Variants in PRKCSH observed in about 807,000 individuals in gnomAD.
The protein encoded by PRKCSH is PRKCSH beta subunit of glucosidase II, also known as glucosidase 2 subunit beta.
In PRKCSH, 42 loss-of-function variants were observed where a neutral mutation model predicts 79.7. That is an observed-to-expected ratio of 0.53 (90% CI 0.41 to 0.68). PRKCSH has a LOEUF of 0.68. PRKCSH is among the 30% of genes least tolerant of loss of function. The pLI is 0.00. For missense variants in PRKCSH, 686 were observed against 709.0 expected (o/e 0.97, Z 0.37); for synonymous variants, 325 against 288.2 (o/e 1.13, Z -1.29).
Position 11,449,060 on chromosome 19 carries a change from C to T in PRKCSH, c.1362-16C>T. On this transcript the variant is annotated splice_polypyrimidine_tract_variant and intron_variant, in intron 15 of 17. Transcript: ENST00000677123. The surrounding 1 kb of genome is among the most constrained non-coding windows in gnomAD (Gnocchi z 6.4). ...CCGACACCGGCCCAGCCCTCAGCAC[C>T]CTGTGTCTCTCACAGCACCTGGGGC... The T allele has an allele frequency of 3.1e-6, 5 of 1,613,336 alleles. No homozygotes were observed. The highest frequency in any genetic ancestry group is 4.2e-6 in the Non-Finnish European group (5 of 1,179,990).
chr19:11,438,150 A>T, intron 5 of PRKCSH, 26 bp downstream of exon 5: 1 of 1,612,506 alleles, frequency 6.2e-7, no homozygotes, highest in Non-Finnish European at 8.5e-7. Flanking sequence ...TACCCCTCCC[A>T]TCACCCCACC....
Position 11,449,900 on chromosome 19 carries a change from A to G in PRKCSH, c.*16+472A>G, listed in dbSNP as rs924938160. Reference sequence around the variant, plus strand: ...TTGCCGAGGCTGGAATGTGGAATGCAATGGCGCGATCTCGGCTCACTGCAA... The same window carrying G: ...TTGCCGAGGCTGGAATGTGGAATGCGATGGCGCGATCTCGGCTCACTGCAA... On this transcript the variant is annotated intron_variant, in intron 17 of 17. Transcript: ENST00000677123. The surrounding 1 kb of genome is among the most constrained non-coding windows in gnomAD (Gnocchi z 6.4). 1 of 204,572 alleles carries G rather than the reference A, an allele frequency of 4.9e-6. No homozygotes were observed. Among genetic ancestry groups the G allele is most frequent in the Non-Finnish European group, 1.0e-5 (1 of 99,612 alleles). 12.7% of individuals were successfully genotyped at this position (204,572 alleles called of 1,614,324 possible).
intron 8 of PRKCSH, 71 bp downstream of exon 8, chr19:11,445,544 C>G (rs1970256603): frequency 2.7e-6 from 4 of 1,476,628 alleles, no homozygotes; most frequent in Middle Eastern, 1.7e-4. Flanking sequence ...ACCCTCGCCT[C>G]TAGAAACCAG....
At chr19:11,439,944 G>GTGTGT (rs1969978272) in intron 5 of PRKCSH, among the ~76,000 whole-genome samples, 1 of 151,652 alleles carries the variant, frequency 6.6e-6, no homozygotes, top group Admixed American at 6.6e-5. Context: ...AATTAGCCGG[G>GTGTGT]TGTGTTGGTG....
In PRKCSH at chr19:11,445,719, G is replaced by T. The variant is rs1002548114; in HGVS notation, c.683+246G>T. On this transcript the variant is annotated intron_variant, in intron 8 of 17. Transcript: ENST00000677123. ...GGGCACAGACCCTCAGCCTCAGGGA[G>T]TGTGTCTAGGCATCTAGTGATCGGA... The T allele has an allele frequency of 1.2e-5, 7 of 582,826 alleles. No individual in the cohort carries two copies. The East Asian group carries it at 1.5e-4, about 12-fold the overall frequency. The allele number at this position is 582,826 out of a possible 1,614,324, so 36.1% of individuals were successfully genotyped here.
chr19:11,443,082 C>G (rs989535491), intron 7 of PRKCSH, among the ~76,000 whole-genome samples: 1 of 152,104 alleles, frequency 6.6e-6, no homozygotes, highest in African/African-American at 2.4e-5. Context: ...ACCATTTTTC[C>G]TATCAGGTGT....
In PRKCSH at chr19:11,435,671, G is replaced by C; in HGVS notation, c.-113G>C. On this transcript the variant is annotated 5_prime_UTR_variant, in exon 1 of 18. Coordinates refer to ENST00000677123, the MANE Select transcript of PRKCSH (RefSeq NM_001289104.2). ...AGGAACCGCGGCTGCTGGACAAGAG[G>C]GGTGCGGTGGATACTGACCTTTGCT... 1 of 1,300,968 alleles carries C rather than the reference G, an allele frequency of 7.7e-7. No individual in the cohort carries two copies. Among genetic ancestry groups the C allele is most frequent in the Non-Finnish European group, 1.0e-6 (1 of 996,804 alleles). The allele number at this position is 1,300,968 out of a possible 1,614,324, so 80.6% of individuals were successfully genotyped here.
intron 8 of PRKCSH, among the ~76,000 whole-genome samples, chr19:11,446,066 C>T (rs1970281989): frequency 6.6e-6 from 1 of 151,928 alleles, no homozygotes; most frequent in Non-Finnish European, 1.5e-5. Context: ...AGGTATCTCC[C>T]AGTCCCACCC....
In PRKCSH at chr19:11,436,202, T is replaced by G. The variant is rs113737581; in HGVS notation, c.79+6T>G. On this transcript the variant is annotated splice_donor_region_variant and intron_variant, in intron 2 of 17. Coordinates refer to ENST00000677123, the MANE Select transcript of PRKCSH (RefSeq NM_001289104.2). Reference sequence around the variant, plus strand: ...CCGGGGCGTCTCCCTCACCAGTGAGTCCTCCTGTTCACCCTCCCGCCAGGC... The same window carrying G: ...CCGGGGCGTCTCCCTCACCAGTGAGGCCTCCTGTTCACCCTCCCGCCAGGC... 2 of 1,474,334 alleles carry G rather than the reference T, an allele frequency of 1.4e-6. No homozygotes were observed. Among genetic ancestry groups the G allele is most frequent in the African/African-American group, 2.7e-5 (2 of 73,234 alleles). The allele number at this position is 1,474,334 out of a possible 1,614,324, so 91.3% of individuals were successfully genotyped here. A position where few individuals can be genotyped will look rare whatever the true frequency, so the allele number is the denominator to read the frequency against.
chr19:11,448,318 C>T lies in PRKCSH; in HGVS notation c.1196+27C>T, dbSNP rs980882693. ...TAGCGGGGGCTGAGGAGCGGGGACA[C>T]CTGTCCCACAGCGACTGCTCCTTGA... On this transcript the variant is annotated intron_variant, in intron 13 of 17. Transcript: ENST00000677123. This position sits in a 1 kb window ranked among gnomAD's most constrained non-coding sequence, Gnocchi z 4.4. 2 of 1,564,674 alleles carry T rather than the reference C, an allele frequency of 1.3e-6. No individual in the cohort carries two copies. The highest frequency in any genetic ancestry group is 1.9e-5 in the Admixed American group (1 of 52,336).
In PRKCSH at chr19:11,436,343, G is replaced by C. The variant is rs770160228; in HGVS notation, c.80-46G>C. 2.5e-6 allele frequency: 4 copies of C among 1,592,524 alleles called. No homozygotes were observed. The East Asian group carries it at 8.9e-5, about 36-fold the overall frequency. On this transcript the variant is annotated intron_variant, in intron 2 of 17. Transcript: ENST00000677123. ...GGGAGGACAGAGGTGGTATTTGGTG[G>C]AGAAGGCGCTTACCTGCCCTGGGCT...
chr19:11,442,561 G>A, intron 7 of PRKCSH, 46 bp downstream of exon 7: 3 of 1,598,332 alleles, frequency 1.9e-6, no homozygotes, highest in Non-Finnish European at 2.6e-6. Flanking sequence ...CTGGGTGGGA[G>A]CAGGTCTGGG....
intron 5 of PRKCSH, among the ~76,000 whole-genome samples, chr19:11,439,435 T>C (rs2144814000): frequency 6.7e-6 from 1 of 150,318 alleles, no homozygotes; most frequent in South Asian, 2.1e-4. Context: ...AATTAAAAAG[T>C]AAAAATAAAA....
In PRKCSH at chr19:11,446,968, C is replaced by T. The variant is rs934290211; in HGVS notation, c.763-106C>T. 9.2e-5 allele frequency: 115 copies of T among 1,255,794 alleles called. No homozygotes were observed. In the African/African-American group the frequency reaches 1.2e-3, roughly 13 times the overall value. 77.8% of individuals were successfully genotyped at this position (1,255,794 alleles called of 1,614,324 possible). ...TGGCCCTGGCCTGGTCATCAGGGCC[C>T]GGGGCCCAGCCCTCCCGTGCCTGGC... On this transcript the variant is annotated intron_variant, in intron 9 of 17. Coordinates refer to ENST00000677123, the MANE Select transcript of PRKCSH (RefSeq NM_001289104.2).
At chr19:11,440,099 C>T (rs1274847535) in intron 5 of PRKCSH, among the ~76,000 whole-genome samples, 1 of 151,642 alleles carries the variant, frequency 6.6e-6, no homozygotes, top group African/African-American at 2.4e-5. Context: ...GTGTAAAACT[C>T]TCTGGATTCC....
chr19:11,441,379 C>T (rs1599491462), intron 6 of PRKCSH, 22 bp downstream of exon 6: 3 of 1,609,760 alleles, frequency 1.9e-6, no homozygotes, highest in Non-Finnish European at 2.5e-6. Context: ...GCGGGGGCTG[C>T]CCCAGGGTGA....
In PRKCSH at chr19:11,436,025, C is replaced by A; in HGVS notation, c.-77-16C>A. ...TAGCCCTCTCCCACTGACCGGGATC[C>A]GCTTTCTTCCTGCAGCGTGAAGACA... is the stretch of plus-strand genomic sequence containing the variant. On this transcript the variant is annotated splice_polypyrimidine_tract_variant and intron_variant, in intron 1 of 17. Coordinates refer to ENST00000677123, the MANE Select transcript of PRKCSH (RefSeq NM_001289104.2). The A allele has an allele frequency of 6.5e-7, 1 of 1,538,160 alleles. No homozygotes were observed. Among genetic ancestry groups the A allele is most frequent in the Non-Finnish European group, 8.9e-7 (1 of 1,125,250 alleles).
At chr19:11,443,899 C>T (rs570472865) in intron 7 of PRKCSH, among the ~76,000 whole-genome samples, 1 of 152,164 alleles carries the variant, frequency 6.6e-6, no homozygotes, top group South Asian at 2.1e-4. Context: ...CCTAGGCTTC[C>T]TGAGTAGCTG....
Position 11,449,356 on chromosome 19 carries a change from G to T in PRKCSH, c.1552G>T (p.Ala518Ser). ...EYLMELMTPA[A>S]CPEPPPEAPT... ...CCTCATGGAGCTGATGACGCCAGCC[G>T]CCTGCCCGGAGCCACCGCCTGAAGC... The change falls in exon 17 of 18, where the codon GCC becomes TCC. Residue 518 changes from alanine to serine, a missense_variant. Transcript: ENST00000677123. This position sits in a 1 kb window ranked among gnomAD's most constrained non-coding sequence, Gnocchi z 6.4. The T allele has an allele frequency of 6.2e-7, 1 of 1,613,410 alleles. No individual in the cohort carries two copies. The highest frequency in any genetic ancestry group is 8.5e-7 in the Non-Finnish European group (1 of 1,179,966).
Sources: gnomAD v4.1 joint callset for allele counts (sites outside exome capture counted in the v4.1 genomes callset) on GRCh38, gnomAD v4.1.1 for gene constraint, Gnocchi (gnomAD v3.1) non-coding constraint, MANE v1.5 for transcripts, NCBI Gene and HGNC (gene_info 2026-07-23, HGNC 2026-07-21) for gene names.